Variants in DPM1 observed in about 807,000 individuals in gnomAD.
The protein encoded by DPM1 is dolichyl-phosphate mannosyltransferase subunit 1, catalytic.
In DPM1, 27 loss-of-function variants were observed where a neutral mutation model predicts 39.0. The observed-to-expected ratio is 0.69, with a 90% CI of 0.51 to 0.95. The LOEUF is 0.95. Among genes scored for constraint, DPM1 ranks in the 40% least tolerant of loss-of-function variants. The probability of loss-of-function intolerance (pLI) is 0.00; values close to 1 mark genes in which losing one functional copy is unlikely to be tolerated. For synonymous variants in DPM1, 124 were observed against 109.0 expected, an observed-to-expected ratio of 1.14 and a Z score of -0.86; for missense variants, 307 against 315.6, an observed-to-expected ratio of 0.97 and a Z score of 0.21.
At chr20:50,949,311 C>T (rs1205342606) in intron 2 of DPM1, among the ~76,000 whole-genome samples, 1 of 152,102 alleles carries the variant, frequency 6.6e-6, no homozygotes, top group Non-Finnish European at 1.5e-5. Context: ...GTAGGACTTA[C>T]TTCATTATTT....
intron 5 of DPM1, among the ~76,000 whole-genome samples, chr20:50,943,063 C>G (rs1354378776): frequency 6.6e-6 from 1 of 152,052 alleles, no homozygotes; most frequent in African/African-American, 2.4e-5. Flanking sequence ...GTATTCCCAG[C>G]TCCTCTGGAG....
At chr20:50,939,062 C>A (rs1387776302) in intron 7 of DPM1, among the ~76,000 whole-genome samples, 2 of 152,170 alleles carry the variant, frequency 1.3e-5, no homozygotes, top group Non-Finnish European at 2.9e-5. Context: ...CAGAACACAG[C>A]TAATCATTGC....
intron 5 of DPM1, among the ~76,000 whole-genome samples, chr20:50,943,117 A>T (rs1218251928): frequency 6.6e-6 from 1 of 151,804 alleles, no homozygotes; most frequent in Admixed American, 6.6e-5. Context: ...TGGAGGTTGC[A>T]GTGACTGAGA....
At chr20:50,956,806 T>G (rs114424568) in intron 1 of DPM1, among the ~76,000 whole-genome samples, 4,633 of 152,272 alleles carry the variant, frequency 0.03, 248 homozygotes, top group African/African-American at 0.11. Flanking sequence ...ATGGGGTCGT[T>G]AAAAGCAAAT....
intron 3 of DPM1, among the ~76,000 whole-genome samples, chr20:50,946,933 G>A (rs1334337149): frequency 2.0e-5 from 3 of 152,172 alleles, no homozygotes; most frequent in South Asian, 4.1e-4. Context: ...AATTGGCCAG[G>A]CGCAGTGGCT....
chr20:50,954,589 A>G (rs965585027), intron 2 of DPM1, among the ~76,000 whole-genome samples: 6 of 152,238 alleles, frequency 3.9e-5, no homozygotes, highest in South Asian at 2.1e-4. Context: ...AATAAACTCT[A>G]TATTTGCCTA....
At chr20:50,945,012 A>G (rs148956881) in intron 5 of DPM1, 1 of 152,368 alleles carries the variant, frequency 6.6e-6, no homozygotes, top group African/African-American at 2.4e-5. Flanking sequence ...GTAGTAAATA[A>G]TATCTCCTTT....
chr20:50,935,255 A>G lies in DPM1; in HGVS notation c.679-19T>C. Reference sequence around the variant, plus strand: ...TTGGAACCTAGTTTAAAAAAAAAAAAGTAACGTTAGTCTTTAAAAACAATT... The same window carrying G: ...TTGGAACCTAGTTTAAAAAAAAAAAGGTAACGTTAGTCTTTAAAAACAATT... On this transcript the variant is annotated intron_variant, in intron 8 of 8. Coordinates refer to ENST00000371588, the MANE Select transcript of DPM1 (RefSeq NM_003859.3). 1.4e-6 allele frequency: 2 copies of G among 1,441,382 alleles called. No individual in the cohort carries two copies. The highest frequency in any genetic ancestry group is 2.0e-6 in the Non-Finnish European group (2 of 1,023,664). The allele number at this position is 1,441,382 out of a possible 1,614,324, so 89.3% of individuals were successfully genotyped here.
At position 50,936,209 on chromosome 20, in the gene DPM1, C is replaced by G. The variant is rs760063295; in HGVS notation, c.617G>C (p.Gly206Ala). 3.5e-5 allele frequency: 56 copies of G among 1,613,512 alleles called. No individual in the cohort carries two copies. Among genetic ancestry groups the G allele is most frequent in the East Asian group, 2.5e-4 (11 of 44,842 alleles). ...EKLIEKCVSKGYVFQMEMIVR... is the reference protein window; with the variant it reads ...EKLIEKCVSKAYVFQMEMIVR... Reference sequence around the variant, plus strand: ...AATCATCTCCATCTGGAAGACGTAGCCTTTAGAAACACATTTTTCTATTAA... The same window carrying G: ...AATCATCTCCATCTGGAAGACGTAGGCTTTAGAAACACATTTTTCTATTAA... Residue 206 changes from glycine (G) to alanine (A), a missense_variant, in exon 8 of 9, where the codon GGC (glycine) becomes GCC (alanine). By Grantham distance (60) the Gly-to-Ala change is moderately conservative (BLOSUM62 0). Coordinates refer to ENST00000371588, the MANE Select transcript of DPM1 (RefSeq NM_003859.3).
intron 5 of DPM1, among the ~76,000 whole-genome samples, chr20:50,942,720 T>C (rs925914041): frequency 2.6e-5 from 4 of 152,186 alleles, no homozygotes; most frequent in Non-Finnish European, 5.9e-5. Flanking sequence ...GTTCTTGCCT[T>C]CTTTGAAGCA....
At chr20:50,942,739 T>C (rs1985949887) in intron 5 of DPM1, among the ~76,000 whole-genome samples, 1 of 152,164 alleles carries the variant, frequency 6.6e-6, no homozygotes, top group South Asian at 2.1e-4. Context: ...CAAATAATAC[T>C]AAAAACAGCC....
chr20:50,938,580 C>T (rs958176601), intron 7 of DPM1, among the ~76,000 whole-genome samples: 1 of 151,370 alleles, frequency 6.6e-6, no homozygotes, highest in African/African-American at 2.4e-5. Flanking sequence ...CGGGGTATCA[C>T]CATGTTAGCC....
At position 50,958,383 on chromosome 20, in the gene DPM1, C is replaced by T; in HGVS notation, c.141G>A (p.Leu47=). The change falls in exon 1 of 9, where the codon CTG becomes CTA. Residue 47 remains leucine, a synonymous_variant. Coordinates refer to ENST00000371588, the MANE Select transcript of DPM1 (RefSeq NM_003859.3). ...GCTACCTCTCGGAGAAGCTTTTCAC[C>T]AGCAGCCACACGATGAGCGGCAGGT... ...RENLPLIVWL[L]VKSFSESGIN... The T allele has an allele frequency of 6.2e-7, 1 of 1,613,926 alleles. No homozygotes were observed. The highest frequency in any genetic ancestry group is 8.5e-7 in the Non-Finnish European group (1 of 1,180,038).
chr20:50,936,542 C>A (rs1263089288), intron 7 of DPM1, among the ~76,000 whole-genome samples: 1 of 152,078 alleles, frequency 6.6e-6, no homozygotes, highest in Non-Finnish European at 1.5e-5. Flanking sequence ...TAGTGAAATA[C>A]GGTAAAATGA....
chr20:50,941,021 CTAATTTCATAAA>C, intron 6 of DPM1, 88 bp from the exon 7 acceptor site: 1 of 1,197,320 alleles, frequency 8.4e-7, no homozygotes, highest in Non-Finnish European at 1.2e-6. Flanking sequence ...AAATGCTATA[CTAATTTCATAAA>C]TGTAACATTA....
intron 3 of DPM1, among the ~76,000 whole-genome samples, chr20:50,946,657 G>A (rs1293464318): frequency 1.3e-5 from 2 of 152,202 alleles, no homozygotes; most frequent in Admixed American, 1.3e-4. Flanking sequence ...AGTCCCACAG[G>A]GACTTGGCAG....
At chr20:50,937,195 C>CCT (rs1985254697) in intron 7 of DPM1, among the ~76,000 whole-genome samples, 1 of 152,130 alleles carries the variant, frequency 6.6e-6, no homozygotes, top group African/African-American at 2.4e-5. Context: ...ACCTACTGTG[C>CCT]CTCAGGGTTT....
rs556558530 is a variant in DPM1, at chr20:50,935,040, A to G, written c.*92T>C. The G allele has an allele frequency of 5.4e-6, 4 of 747,508 alleles. No homozygotes were observed. In the South Asian group the frequency reaches 6.3e-5, roughly 12 times the overall value. The allele number at this position is 747,508 out of a possible 1,614,324, so 46.3% of individuals were successfully genotyped here. On this transcript the variant is annotated 3_prime_UTR_variant, in exon 9 of 9. Coordinates refer to ENST00000371588, the MANE Select transcript of DPM1 (RefSeq NM_003859.3). ...TGAAATTTACCTTACCTTATATTTT[A>G]TACTTTAAGAGTACATTTTATACAA...
At position 50,948,879 on chromosome 20, in the gene DPM1, G is replaced by A. The variant is rs528619324; in HGVS notation, c.262-217C>T. ...AACGTAGCTAACATTTTTTTTTTTT[G>A]AGATGCAGTCTCGCTCTGTTGCCTA... On this transcript the variant is annotated intron_variant, in intron 2 of 8. Transcript: ENST00000371588. Among the ~76,000 whole-genome samples, 4 of 142,462 alleles carry A rather than the reference G, an allele frequency of 2.8e-5. No individual in the cohort carries two copies. The East Asian group carries it at 6.1e-4, about 22-fold the overall frequency. 93.5% of individuals were successfully genotyped at this position (142,462 alleles called of 152,430 possible).
Sources: allele counts gnomAD v4.1 joint callset (sites outside exome capture counted in the v4.1 genomes callset), GRCh38; gene constraint gnomAD v4.1.1; transcripts MANE v1.5; gene names NCBI Gene and HGNC (gene_info 2026-07-23, HGNC 2026-07-21).